Variants in AFAP1 observed in about 807,000 individuals in gnomAD.
The protein encoded by AFAP1 is actin filament-associated protein 1.
AFAP1 carries 75 observed loss-of-function variants against 93.9 expected under a neutral mutation model. The observed-to-expected ratio is 0.80, with a 90% CI of 0.66 to 0.97. The LOEUF (loss-of-function observed/expected upper bound fraction) is 0.97. Among genes scored for constraint, AFAP1 ranks in the 50% least tolerant of loss-of-function variants. AFAP1 has a pLI of 0.00. For synonymous variants in AFAP1, 517 were observed against 430.7 expected, an observed-to-expected ratio of 1.20 and a Z score of -2.48; for missense variants, 1,201 against 1,050.8, an observed-to-expected ratio of 1.14 and a Z score of -1.98.
chr4:7,901,239 G>A (rs915213771), intron 1 of AFAP1, among the ~76,000 whole-genome samples: 1 of 152,228 alleles, frequency 6.6e-6, no homozygotes, highest in Non-Finnish European at 1.5e-5. Flanking sequence ...AGATGGGGAA[G>A]TCTCATTTAA....
At chr4:7,913,264 C>G (rs1357243726) in intron 1 of AFAP1, among the ~76,000 whole-genome samples, 1 of 152,014 alleles carries the variant, frequency 6.6e-6, no homozygotes, top group South Asian at 2.1e-4. Context: ...GTGTTGCACA[C>G]CTGTGGTCCC....
At chr4:7,905,345 T>C (rs1719341728) in intron 1 of AFAP1, among the ~76,000 whole-genome samples, 1 of 152,238 alleles carries the variant, frequency 6.6e-6, no homozygotes, top group African/African-American at 2.4e-5. Flanking sequence ...ATAAAATTAG[T>C]GTTATACTTC....
At chr4:7,795,032 G>A (rs1169015247) in intron 10 of AFAP1, among the ~76,000 whole-genome samples, 5 of 152,120 alleles carry the variant, frequency 3.3e-5, no homozygotes, top group Admixed American at 1.3e-4. Context: ...TCTCTAAGTT[G>A]AGCTTAAAGA....
rs1310741972 is a variant in AFAP1 at position 7,772,744 on chromosome 4, C to CATT, written c.2253+73_2253+75dup. On this transcript the variant is annotated intron_variant, in intron 16 of 17. Transcript: ENST00000420658. ...CAAGCTACGCCCCAGAGCCACTCCA[C>CATT]ATTCTCTCTGGGTGCACTGGCCCTC... 77 of 1,429,870 alleles carry CATT rather than the reference C, an allele frequency of 5.4e-5. No homozygotes were observed. In the East Asian group the frequency reaches 1.8e-3, roughly 34 times the overall value. 88.6% of individuals were successfully genotyped at this position (1,429,870 alleles called of 1,614,324 possible).
intron 14 of AFAP1, chr4:7,778,350 C>G (rs905756294): frequency 1.1e-5 from 3 of 273,624 alleles, no homozygotes; most frequent in South Asian, 3.8e-5. Context: ...TCCAACCGCA[C>G]CAACCACGGG....
At chr4:7,916,036 C>T (rs1402773333) in intron 1 of AFAP1, among the ~76,000 whole-genome samples, 1 of 152,170 alleles carries the variant, frequency 6.6e-6, no homozygotes, top group Non-Finnish European at 1.5e-5. Context: ...ATCACCAGTC[C>T]CCACCTGCTG....
chr4:7,807,695 C>T (rs771489556), intron 9 of AFAP1, among the ~76,000 whole-genome samples: 3 of 152,226 alleles, frequency 2.0e-5, no homozygotes, highest in African/African-American at 4.8e-5. Context: ...AACCACATGA[C>T]GCCTTCACTG....
intron 8 of AFAP1, among the ~76,000 whole-genome samples, chr4:7,812,390 A>G (rs899261770): frequency 6.6e-6 from 1 of 152,166 alleles, no homozygotes; most frequent in African/African-American, 2.4e-5. Flanking sequence ...CTGACTGCAA[A>G]GAAATGAGAT....
chr4:7,926,074 G>A (rs188194484), intron 1 of AFAP1, among the ~76,000 whole-genome samples: 2 of 152,278 alleles, frequency 1.3e-5, no homozygotes, highest in East Asian at 3.9e-4. Context: ...TCGAGAAAAA[G>A]GCTGTTGATC....
In AFAP1 at chr4:7,868,659, G is replaced by A; in HGVS notation, c.188C>T (p.Pro63Leu). The change falls in exon 3 of 18, where the codon CCT becomes CTT. Residue 63 changes from proline to leucine, a missense_variant. Physicochemically the swap from Pro to Leu is moderately conservative, Grantham distance 98. Transcript: ENST00000420658. Reference sequence around the variant, plus strand: ...AGGGATCTCCGGCAGGGGCATCTGAGGAGGGGCTGGCAGGCTGTTAGCGGT... The same window carrying A: ...AGGGATCTCCGGCAGGGGCATCTGAAGAGGGGCTGGCAGGCTGTTAGCGGT... Reference protein sequence around the residue: ...QETANSLPAPPQMPLPEIPQP... With the variant: ...QETANSLPAPLQMPLPEIPQP... 6.2e-7 allele frequency: 1 copy of A among 1,613,310 alleles called. No homozygotes were observed. The highest frequency in any genetic ancestry group is 8.5e-7 in the Non-Finnish European group (1 of 1,179,942).
At chr4:7,771,621 G>T (rs570082894) in intron 16 of AFAP1, among the ~76,000 whole-genome samples, 3 of 152,134 alleles carry the variant, frequency 2.0e-5, no homozygotes, top group Non-Finnish European at 2.9e-5. Context: ...TCTATGCAGC[G>T]ACCGTTATTA....
At chr4:7,876,232 G>A (rs1040931223) in intron 1 of AFAP1, among the ~76,000 whole-genome samples, 1 of 152,180 alleles carries the variant, frequency 6.6e-6, no homozygotes, top group Non-Finnish European at 1.5e-5. Context: ...ACCCTCCAGA[G>A]CCTGGGAGTT....
chr4:7,776,870 A>G (rs1322320914), intron 14 of AFAP1: 1 of 152,222 alleles, frequency 6.6e-6, no homozygotes, highest in Non-Finnish European at 1.5e-5. Context: ...ACTCAATGCA[A>G]TCACCTATAA....
chr4:7,928,630 C>T (rs908465771), intron 1 of AFAP1, among the ~76,000 whole-genome samples: 1 of 152,222 alleles, frequency 6.6e-6, no homozygotes, highest in African/African-American at 2.4e-5. Context: ...TCATGATTCG[C>T]CCACCTTGGC....
chr4:7,761,078 G>A lies in AFAP1; in HGVS notation c.*2687C>T, dbSNP rs1223702874. 6.6e-6 allele frequency: 1 copy of A among 152,222 alleles called. No homozygotes were observed. The highest frequency in any genetic ancestry group is 6.5e-5 in the Admixed American group (1 of 15,288). 9.4% of individuals were successfully genotyped at this position (152,222 alleles called of 1,614,324 possible). ...TGTTCCTGGGGCATGTTTTGGGAGG[G>A]GAATAAAATGACATCACTGTCAGAA... On this transcript the variant is annotated 3_prime_UTR_variant, in exon 18 of 18. Coordinates refer to ENST00000420658, the MANE Select transcript of AFAP1 (RefSeq NM_001134647.2).
chr4:7,866,831 G>C (rs964900419), intron 3 of AFAP1, among the ~76,000 whole-genome samples: 2 of 151,150 alleles, frequency 1.3e-5, no homozygotes, highest in Non-Finnish European at 2.9e-5. Flanking sequence ...AAGGCCTGGA[G>C]TGCAAGACAG....
At chr4:7,801,914 C>CAAAAAAAAAAAAAAAAAAA (rs531684652) in intron 9 of AFAP1, among the ~76,000 whole-genome samples, 26 of 65,198 alleles carry the variant, frequency 4.0e-4, no homozygotes, top group East Asian at 1.9e-3. Context: ...GACCCTATCA[C>CAAAAAAAAAAAAAAAAAAA]AAAAAAAAAA....
At position 7,763,624 on chromosome 4, in the gene AFAP1, C is replaced by T; in HGVS notation, c.*141G>A. On this transcript the variant is annotated 3_prime_UTR_variant, in exon 18 of 18. Coordinates refer to ENST00000420658, the MANE Select transcript of AFAP1 (RefSeq NM_001134647.2). ...AATACAAGTGGGCCTGGGGGACAGG[C>T]ACTGGCCTCAGAGCTCAGTCGTGGA... The T allele has an allele frequency of 9.0e-6, 8 of 891,606 alleles. No individual in the cohort carries two copies. The highest frequency in any genetic ancestry group is 1.4e-5 in the Non-Finnish European group (8 of 583,768). 55.2% of individuals were successfully genotyped at this position (891,606 alleles called of 1,614,324 possible). A position where few individuals can be genotyped will look rare whatever the true frequency, so the allele number is the denominator to read the frequency against.
intron 3 of AFAP1, among the ~76,000 whole-genome samples, chr4:7,857,095 C>T (rs1039096780): frequency 1.3e-5 from 2 of 152,100 alleles, no homozygotes; most frequent in Non-Finnish European, 2.9e-5. Flanking sequence ...TAGCATGCAA[C>T]AATTTCCCAC....
Sources: allele counts gnomAD v4.1 joint callset (sites outside exome capture counted in the v4.1 genomes callset), GRCh38; gene constraint gnomAD v4.1.1; transcripts MANE v1.5; gene names NCBI Gene and HGNC (gene_info 2026-07-23, HGNC 2026-07-21).